WLS: variants seen among roughly 807,000 people sequenced by gnomAD.
The protein encoded by WLS is protein wntless homolog.
Under a neutral mutation model 62.8 loss-of-function variants are expected in WLS, and 23 were observed. The ratio of observed to expected loss-of-function variants is 0.37; its 90% CI spans 0.26 to 0.52. The LOEUF (loss-of-function observed/expected upper bound fraction) is 0.52, where lower values mean the gene tolerates loss of function less well. Among genes scored for constraint, WLS ranks in the 20% least tolerant of loss-of-function variants. The pLI is 0.92. For missense variants in WLS, 615 were observed against 697.3 expected, an observed-to-expected ratio of 0.88 and a Z score of 1.33; for synonymous variants, 246 against 244.1, an observed-to-expected ratio of 1.01 and a Z score of -0.07.
chr1:68,192,940 C>CA (rs112624515), intron 2 of WLS, among the ~76,000 whole-genome samples: 23,867 of 126,432 alleles, frequency 0.19, 2,420 homozygotes, highest in East Asian at 0.28. Flanking sequence ...ACTAAAAATA[C>CA]AAAAAAAAAA....
intron 2 of WLS, among the ~76,000 whole-genome samples, chr1:68,179,311 T>A (rs913730735): frequency 8.5e-5 from 13 of 152,194 alleles, no homozygotes; most frequent in Admixed American, 7.2e-4. Context: ...AGATGGGACC[T>A]TAGGGGTCGT....
chr1:68,148,314 T>TA lies in WLS; in HGVS notation c.1071-116dup, dbSNP rs1258811860. The stretch of plus-strand genomic sequence containing the variant: ...GCAGGGGTGAGGGCTGTATTTAGGC[T>TA]AAAAAACATTACAGAAATCCTAAAG... On this transcript the variant is annotated intron_variant, in intron 7 of 11. Coordinates refer to ENST00000262348, the MANE Select transcript of WLS (RefSeq NM_024911.7). 2.2e-5 allele frequency: 25 copies of TA among 1,122,472 alleles called. 1 individual carries two copies. In the East Asian group the frequency reaches 4.6e-4, roughly 20 times the overall value. 69.5% of individuals were successfully genotyped at this position (1,122,472 alleles called of 1,614,324 possible).
At chr1:68,222,394 T>C (rs1649978135) in intron 1 of WLS, among the ~76,000 whole-genome samples, 1 of 152,142 alleles carries the variant, frequency 6.6e-6, no homozygotes, top group South Asian at 2.1e-4. Flanking sequence ...CCATAAGGGA[T>C]TGGCTAAGTA....
At chr1:68,110,595 T>A (rs1646212403) in intron 11 of WLS, among the ~76,000 whole-genome samples, 1 of 151,842 alleles carries the variant, frequency 6.6e-6, no homozygotes, top group Non-Finnish European at 1.5e-5. Flanking sequence ...AACAGTATGG[T>A]TTTGAGGTAA....
downstream of WLS, among the ~76,000 whole-genome samples, chr1:68,120,809 T>C (rs1053240847): frequency 1.3e-5 from 2 of 152,216 alleles, no homozygotes; most frequent in East Asian, 1.9e-4. Context: ...CTCAGGTGAA[T>C]ATATATTTGT....
chr1:68,215,545 T>C (rs1233796796), intron 1 of WLS, among the ~76,000 whole-genome samples: 5 of 152,176 alleles, frequency 3.3e-5, no homozygotes, highest in Non-Finnish European at 7.3e-5. Context: ...CTTAAAAATG[T>C]GCATTTCATT....
At chr1:68,150,057 G>C in intron 6 of WLS, 131 bp downstream of exon 6, 4 of 932,072 alleles carry the variant, frequency 4.3e-6, no homozygotes, top group Non-Finnish European at 6.4e-6. Flanking sequence ...TGCCTCCAGA[G>C]TTCCCACTTG....
intron 1 of WLS, among the ~76,000 whole-genome samples, chr1:68,224,368 G>A (rs1308321690): frequency 2.0e-5 from 3 of 152,142 alleles, no homozygotes; most frequent in Non-Finnish European, 2.9e-5. Flanking sequence ...TATTTCCAGA[G>A]CCCTTCATTT....
chr1:68,104,259 T>C (rs2100299381), intron 11 of WLS, among the ~76,000 whole-genome samples: 1 of 152,262 alleles, frequency 6.6e-6, no homozygotes, highest in East Asian at 1.9e-4. Context: ...GAAACTCTTC[T>C]TTATACAAAA....
intron 1 of WLS, 30 bp downstream of exon 1, chr1:68,232,164 G>T: frequency 6.2e-7 from 1 of 1,613,590 alleles, no homozygotes; most frequent in East Asian, 2.2e-5. Context: ...AGACAGAAAG[G>T]GGGAAAAGTT....
chr1:68,199,461 G>T (rs545267853), intron 1 of WLS, among the ~76,000 whole-genome samples: 1 of 152,156 alleles, frequency 6.6e-6, no homozygotes, highest in Non-Finnish European at 1.5e-5. Context: ...AATGGGGGAT[G>T]GCCAAGGAGG....
downstream of WLS, among the ~76,000 whole-genome samples, chr1:68,120,469 C>T (rs17481104): frequency 0.013 from 1,928 of 152,330 alleles, 26 homozygotes; most frequent in Non-Finnish European, 0.021. Flanking sequence ...CTTGACTCTT[C>T]TGCTGCAAAT....
intron 1 of WLS, among the ~76,000 whole-genome samples, chr1:68,207,902 A>G (rs1184654267): frequency 1.3e-5 from 2 of 152,170 alleles, no homozygotes; most frequent in African/African-American, 4.8e-5. Context: ...AACACATGAG[A>G]AGAATTAGAA....
At chr1:68,161,687 A>T in intron 2 of WLS, 1 of 1,132,222 alleles carries the variant, frequency 8.8e-7, no homozygotes, top group South Asian at 1.4e-5. Flanking sequence ...TTTTTCTCTT[A>T]GTTCATCATT....
intron 1 of WLS, among the ~76,000 whole-genome samples, chr1:68,206,869 A>G (rs1649301618): frequency 6.6e-6 from 1 of 152,218 alleles, no homozygotes; most frequent in African/African-American, 2.4e-5. Context: ...AAGTTTAAAG[A>G]AAAAGTTCCT....
downstream of WLS, among the ~76,000 whole-genome samples, chr1:68,122,773 A>T (rs1646379360): frequency 1.3e-5 from 2 of 152,142 alleles, no homozygotes. Flanking sequence ...AATGGGTTGC[A>T]TCCAACCTGC....
Position 68,125,732 on chromosome 1 carries a change from G to C in WLS, c.*494C>G, listed in dbSNP as rs1646420043. 5 of 986,138 alleles carry C rather than the reference G, an allele frequency of 5.1e-6. No individual in the cohort carries two copies. The South Asian group carries it at 2.3e-4, about 46-fold the overall frequency. 61.1% of individuals were successfully genotyped at this position (986,138 alleles called of 1,614,324 possible). On this transcript the variant is annotated 3_prime_UTR_variant, in exon 12 of 12. Coordinates refer to ENST00000262348, the MANE Select transcript of WLS (RefSeq NM_024911.7). ...AAATATTAACTCAGTGGGCTACCTGGTGATATAAATAGGAAAAAAACAGTG... is the reference window on the plus strand; with the variant it reads ...AAATATTAACTCAGTGGGCTACCTGCTGATATAAATAGGAAAAAAACAGTG...
chr1:68,098,633 C>G, exon 12 of WLS: 1 of 1,613,628 alleles, frequency 6.2e-7, no homozygotes, highest in Non-Finnish European at 8.5e-7. Context: ...CTTGTTGACT[C>G]AAATACCAGA....
At chr1:68,160,093 T>TTTTTTG (rs1646952430) in intron 2 of WLS, among the ~76,000 whole-genome samples, 1 of 141,406 alleles carries the variant, frequency 7.1e-6, no homozygotes, top group African/African-American at 2.8e-5. Flanking sequence ...TTTTTTTTTT[T>TTTTTTG]GAGTATAAAG....
Sources: allele counts gnomAD v4.1 joint callset (sites outside exome capture counted in the v4.1 genomes callset), GRCh38; gene constraint gnomAD v4.1.1; transcripts MANE v1.5; gene names NCBI Gene and HGNC (gene_info 2026-07-23, HGNC 2026-07-21).